The following ESRRB variants were observed in gnomAD, a reference collection of about 807,000 sequenced individuals.
ESRRB encodes the protein steroid hormone receptor ERR2.
ESRRB carries 16 observed loss-of-function variants against 46.0 expected under a neutral mutation model. The ratio of observed to expected loss-of-function variants is 0.35; its 90% CI spans 0.24 to 0.53. The LOEUF (loss-of-function observed/expected upper bound fraction) is 0.53. Ranked by LOEUF, ESRRB falls within the 20% of genes least tolerant of loss-of-function variation. The pLI is 0.93. For synonymous variants in ESRRB, 246 were observed against 259.6 expected (o/e 0.95, Z 0.50); for missense variants, 488 against 607.4 (o/e 0.80, Z 2.07).
At chr14:76,347,207 A>G (rs1330290665) in intron 1 of ESRRB, among the ~76,000 whole-genome samples, 1 of 152,122 alleles carries the variant, frequency 6.6e-6, no homozygotes, top group Non-Finnish European at 1.5e-5. Context: ...AGGAGTCCAG[A>G]CCCTAGACTA....
rs1890511049 is a variant in ESRRB at position 76,498,281 on chromosome 14, G to A, written c.1188G>A (p.Gln396=). The change falls in exon 7 of 7, where the codon CAG becomes CAA. Residue 396 remains glutamine (Q), a synonymous_variant. Transcript: ENST00000644823. Reference sequence around the variant, plus strand: ...AGGACCTGCTGCACGAGGCACTGCAGGACTACGAGCTGAGCCAGCGCCATG... The same window carrying A: ...AGGACCTGCTGCACGAGGCACTGCAAGACTACGAGCTGAGCCAGCGCCATG... ...KLQDLLHEAL[Q]DYELSQRHEE... is the part of the protein sequence containing the mutation. The A allele has an allele frequency of 6.2e-7, 1 of 1,613,792 alleles. No individual in the cohort carries two copies. Among genetic ancestry groups the A allele is most frequent in the East Asian group, 2.2e-5 (1 of 44,886 alleles).
At chr14:76,405,620 T>G (rs942123616) in intron 1 of ESRRB, among the ~76,000 whole-genome samples, 1 of 151,710 alleles carries the variant, frequency 6.6e-6, no homozygotes, top group Non-Finnish European at 1.5e-5. Flanking sequence ...AGAAGGAAAA[T>G]GGACAAAGCT....
At chr14:76,388,047 C>T (rs1490814482) in intron 1 of ESRRB, among the ~76,000 whole-genome samples, 4 of 152,156 alleles carry the variant, frequency 2.6e-5, no homozygotes, top group Non-Finnish European at 5.9e-5. Context: ...GACGTTAAGT[C>T]ATTTGCCCAA....
At chr14:76,332,116 A>G (rs896283482) in intron 1 of ESRRB, among the ~76,000 whole-genome samples, 10 of 151,992 alleles carry the variant, frequency 6.6e-5, no homozygotes, top group African/African-American at 2.4e-4. Context: ...TGCTACACCA[A>G]TAAAGGAGAG....
intron 3 of ESRRB, among the ~76,000 whole-genome samples, chr14:76,475,296 T>C (rs1889535157): frequency 2.7e-5 from 4 of 148,472 alleles, no homozygotes. Context: ...TGGAGCCCAG[T>C]AGTTTGAGGT....
intron 2 of ESRRB, among the ~76,000 whole-genome samples, chr14:76,443,930 C>G (rs539899320): frequency 1.3e-5 from 2 of 152,186 alleles, no homozygotes; most frequent in East Asian, 1.9e-4. Flanking sequence ...TCTCTTTCCA[C>G]AAGGAGAGTT....
chr14:76,473,032 C>T (rs1437903439), intron 3 of ESRRB, among the ~76,000 whole-genome samples: 1 of 152,088 alleles, frequency 6.6e-6, no homozygotes, highest in African/African-American at 2.4e-5. Context: ...CAAAGGCTTC[C>T]TAGGGCATTC....
At chr14:76,491,963 A>G (rs921277886) in intron 6 of ESRRB, among the ~76,000 whole-genome samples, 1 of 152,190 alleles carries the variant, frequency 6.6e-6, no homozygotes, top group Non-Finnish European at 1.5e-5. Context: ...GGCTAAGGAC[A>G]TGGGTTCTGA....
At chr14:76,383,032 C>T (rs1438602473) in intron 1 of ESRRB, among the ~76,000 whole-genome samples, 1 of 152,180 alleles carries the variant, frequency 6.6e-6, no homozygotes, top group Non-Finnish European at 1.5e-5. Context: ...TTGTTTTTAT[C>T]TTCTGATTTC....
intron 1 of ESRRB, among the ~76,000 whole-genome samples, chr14:76,416,619 A>C (rs1386831375): frequency 6.6e-6 from 1 of 151,840 alleles, no homozygotes; most frequent in Non-Finnish European, 1.5e-5. Context: ...ACAGATACCC[A>C]CCACCACACC....
intron 1 of ESRRB, among the ~76,000 whole-genome samples, chr14:76,327,240 C>T (rs765473625): frequency 1.3e-5 from 2 of 152,232 alleles, no homozygotes; most frequent in Non-Finnish European, 2.9e-5. Flanking sequence ...TGGGGACCCA[C>T]GTGGGGGTGG....
chr14:76,402,240 C>T (rs1024948653), intron 1 of ESRRB, among the ~76,000 whole-genome samples: 3 of 152,198 alleles, frequency 2.0e-5, no homozygotes, highest in East Asian at 3.8e-4. Flanking sequence ...GGCCAAATAT[C>T]TGGAGACTCC....
chr14:76,321,899 A>AT (rs549414566), intron 1 of ESRRB, among the ~76,000 whole-genome samples: 655 of 151,614 alleles, frequency 4.3e-3, no homozygotes, highest in Middle Eastern at 0.014. Context: ...AAAAAAAAAA[A>AT]ATATATTCTT....
chr14:76,493,765 G>A (rs1890317668), intron 6 of ESRRB, among the ~76,000 whole-genome samples: 1 of 152,204 alleles, frequency 6.6e-6, no homozygotes, highest in East Asian at 1.9e-4. Context: ...TGCATGCAGG[G>A]GGTGCTGTTG....
intron 2 of ESRRB, among the ~76,000 whole-genome samples, chr14:76,458,835 C>T (rs58489085): frequency 0.26 from 38,210 of 147,082 alleles, 5,332 homozygotes; most frequent in Middle Eastern, 0.32. Context: ...TCTGTTCACC[C>T]TCTCCTTTTT....
At chr14:76,382,508 A>G (rs1885056673) in intron 1 of ESRRB, among the ~76,000 whole-genome samples, 1 of 152,228 alleles carries the variant, frequency 6.6e-6, no homozygotes, top group African/African-American at 2.4e-5. Context: ...GGCCACACTC[A>G]GAGGAGAATT....
intron 1 of ESRRB, among the ~76,000 whole-genome samples, chr14:76,429,718 C>A (rs569111832): frequency 6.6e-6 from 1 of 151,948 alleles, no homozygotes; most frequent in African/African-American, 2.4e-5. Context: ...CCATTGCACT[C>A]CAGCCTGGGC....
intron 1 of ESRRB, chr14:76,310,925 C>G (rs757501355): frequency 1.1e-5 from 5 of 454,122 alleles, no homozygotes; most frequent in Non-Finnish European, 2.2e-5. Flanking sequence ...ATGTGAGTAA[C>G]CCAACTTCTC....
intron 1 of ESRRB, among the ~76,000 whole-genome samples, chr14:76,406,835 C>A (rs1202856560): frequency 3.9e-5 from 6 of 152,226 alleles, no homozygotes; most frequent in African/African-American, 1.4e-4. Flanking sequence ...GCCATTAATG[C>A]CATGTGGACA....
Sources: gnomAD v4.1 joint callset for allele counts (sites outside exome capture counted in the v4.1 genomes callset) on GRCh38, gnomAD v4.1.1 for gene constraint, MANE v1.5 for transcripts, NCBI Gene and HGNC (gene_info 2026-07-23, HGNC 2026-07-21) for gene names.